Variants in TENM3 observed in about 807,000 individuals in gnomAD.
The protein encoded by TENM3 is teneurin-3.
A neutral mutation model predicts 255.1 loss-of-function variants in TENM3; 63 were observed. That is an observed-to-expected ratio of 0.25 (90% CI 0.20 to 0.30). The LOEUF is 0.30. Ranked by LOEUF, TENM3 falls within the 10% of genes least tolerant of loss-of-function variation. TENM3 has a pLI of 1.00. For synonymous variants in TENM3, 1,306 were observed against 1,322.3 expected (o/e 0.99, Z 0.27); for missense variants, 2,929 against 3,461.1 (o/e 0.85, Z 3.86).
chr4:182,336,363 A>G (rs1300279853), intron 2 of TENM3, among the ~76,000 whole-genome samples: 1 of 151,906 alleles, frequency 6.6e-6, no homozygotes, highest in Non-Finnish European at 1.5e-5. Flanking sequence ...AAAAAAAAGC[A>G]ATTCATGAAT....
chr4:182,648,433 G>A (rs1252077225), intron 5 of TENM3, among the ~76,000 whole-genome samples: 2 of 151,830 alleles, frequency 1.3e-5, no homozygotes, highest in South Asian at 2.1e-4. Context: ...ACAGGCGCCT[G>A]CCACTACACT....
At chr4:182,681,667 A>C (rs1054091862) in intron 10 of TENM3, 147 bp from the exon 11 acceptor site, 6 of 642,448 alleles carry the variant, frequency 9.3e-6, no homozygotes, top group East Asian at 2.8e-5. Flanking sequence ...AATTCTTTGC[A>C]TTTTCAGAAA....
intron 6 of TENM3, among the ~76,000 whole-genome samples, chr4:182,659,258 T>G (rs1581236527): frequency 6.6e-6 from 1 of 152,176 alleles, no homozygotes; most frequent in African/African-American, 2.4e-5. Flanking sequence ...TCCACAGTTT[T>G]GCTTTTTGTG....
chr4:181,738,116 A>G, the TENM3 span, among the ~76,000 whole-genome samples: 5 of 152,282 alleles, frequency 3.3e-5, no homozygotes, highest in South Asian at 2.1e-4. Flanking sequence ...TTGTCCATAC[A>G]GTAATGTTTT....
the TENM3 span, among the ~76,000 whole-genome samples, chr4:181,609,703 G>A: frequency 0.13 from 19,770 of 152,238 alleles, 1,586 homozygotes; most frequent in African/African-American, 0.22. Context: ...ATTCAATCCA[G>A]TTTCCACACA....
In TENM3 at chr4:182,205,163, G is replaced by A. The variant is rs190045254; in HGVS notation, c.-76+60409G>A. 2.6e-5 allele frequency among the ~76,000 whole-genome samples: 4 copies of A among 152,240 alleles called. No individual in the cohort carries two copies. The East Asian group carries it at 5.8e-4, about 22-fold the overall frequency. ...CTGACTTTGAAAGCCCACATTGACCGTGGCTTAAAACAAAACAAATGGAAA... is the reference window on the plus strand; with the variant it reads ...CTGACTTTGAAAGCCCACATTGACCATGGCTTAAAACAAAACAAATGGAAA... On this transcript the variant is annotated intron_variant, in intron 1 of 2. Coordinates refer to the TENM3 transcript ENST00000512480.
chr4:182,546,795 AGT>A (rs1359531216), intron 3 of TENM3, among the ~76,000 whole-genome samples: 1 of 152,158 alleles, frequency 6.6e-6, no homozygotes, highest in East Asian at 1.9e-4. Flanking sequence ...GATAATCAAA[AGT>A]GTGTCCAAGA....
the TENM3 span, among the ~76,000 whole-genome samples, chr4:181,933,688 A>G: frequency 1.3e-5 from 2 of 152,226 alleles, no homozygotes; most frequent in African/African-American, 4.8e-5. Context: ...GCATTTTGTG[A>G]TAATGGTGCT....
intron 5 of TENM3, among the ~76,000 whole-genome samples, chr4:182,648,288 G>GTT (rs11445381): frequency 0.093 from 13,607 of 146,348 alleles, 800 homozygotes; most frequent in East Asian, 0.15. Flanking sequence ...CTTTTAAGTT[G>GTT]TTTTTTTTTT....
At chr4:182,030,243 C>T in the TENM3 span, among the ~76,000 whole-genome samples, 16 of 152,140 alleles carry the variant, frequency 1.1e-4, no homozygotes, top group South Asian at 1.7e-3. Context: ...CCCACCCCAC[C>T]CCATGACAGG....
upstream of TENM3, among the ~76,000 whole-genome samples, chr4:182,239,746 T>G (rs1757121435): frequency 6.6e-6 from 1 of 152,178 alleles, no homozygotes; most frequent in Non-Finnish European, 1.5e-5. Context: ...AGGACAATAA[T>G]ATCTAATATT....
chr4:181,934,003 A>C, the TENM3 span, among the ~76,000 whole-genome samples: 1 of 152,032 alleles, frequency 6.6e-6, no homozygotes, highest in Non-Finnish European at 1.5e-5. Flanking sequence ...TTATTTCTAG[A>C]AACAGTTTGA....
At chr4:181,981,050 C>T in the TENM3 span, among the ~76,000 whole-genome samples, 4 of 152,110 alleles carry the variant, frequency 2.6e-5, no homozygotes, top group Non-Finnish European at 4.4e-5. Flanking sequence ...CACCCCCATG[C>T]GTGCCACATT....
intron 2 of TENM3, among the ~76,000 whole-genome samples, chr4:182,346,068 TATACATACATACATACATACATAC>T (rs60234584): frequency 6.7e-6 from 1 of 149,248 alleles, no homozygotes; most frequent in South Asian, 2.2e-4. Flanking sequence ...CACACACATA[TATACATACATACATACATACATAC>T]ATACATACAT....
intron 3 of TENM3, among the ~76,000 whole-genome samples, chr4:182,469,080 G>C (rs968456592): frequency 9.2e-5 from 14 of 152,068 alleles, no homozygotes; most frequent in African/African-American, 3.1e-4. Flanking sequence ...GTCATCAACT[G>C]ATTTTTGAAA....
intron 3 of TENM3, among the ~76,000 whole-genome samples, chr4:182,371,700 C>T (rs7687507): frequency 0.051 from 7,824 of 152,222 alleles, 380 homozygotes; most frequent in African/African-American, 0.12. Flanking sequence ...GGTCTTGTCT[C>T]GTTTCCTATC....
the TENM3 span, among the ~76,000 whole-genome samples, chr4:181,625,678 G>A: frequency 6.6e-6 from 1 of 151,984 alleles, no homozygotes; most frequent in Non-Finnish European, 1.5e-5. Flanking sequence ...GCCGGGTGTG[G>A]CGGCAGGCGC....
intron 12 of TENM3, among the ~76,000 whole-genome samples, chr4:182,694,489 C>G (rs1020836389): frequency 1.3e-5 from 2 of 152,148 alleles, no homozygotes; most frequent in Non-Finnish European, 2.9e-5. Flanking sequence ...AGTAATGTCT[C>G]AAACACAGAG....
At chr4:181,750,788 C>T in the TENM3 span, among the ~76,000 whole-genome samples, 1 of 152,168 alleles carries the variant, frequency 6.6e-6, no homozygotes. Flanking sequence ...AAAACGGTAA[C>T]AGATACCCAT....
Sources: allele counts gnomAD v4.1 joint callset (sites outside exome capture counted in the v4.1 genomes callset), GRCh38; gene constraint gnomAD v4.1.1; transcripts MANE v1.5; gene names NCBI Gene and HGNC (gene_info 2026-07-23, HGNC 2026-07-21).